Variants in MTUS2 observed in about 807,000 individuals in gnomAD.
The protein encoded by MTUS2 is microtubule associated scaffold protein 2.
Under a neutral mutation model 114.1 loss-of-function variants are expected in MTUS2, and 40 were observed. The ratio of observed to expected loss-of-function variants is 0.35; its 90% CI spans 0.27 to 0.46. The LOEUF is 0.46. Ranked by LOEUF, MTUS2 falls within the 20% of genes least tolerant of loss-of-function variation. MTUS2 has a pLI of 1.00. For synonymous variants in MTUS2, 688 were observed against 672.0 expected (o/e 1.02, Z -0.37); for missense variants, 1,679 against 1,705.4 (o/e 0.98, Z 0.27).
At chr13:29,051,319 T>A (rs1198103263) in intron 4 of MTUS2, among the ~76,000 whole-genome samples, 1 of 152,042 alleles carries the variant, frequency 6.6e-6, no homozygotes, top group African/African-American at 2.4e-5. Flanking sequence ...GGAAGGATGG[T>A]GATGTTATTT....
At chr13:29,390,624 C>T (rs1334184600) in intron 8 of MTUS2, among the ~76,000 whole-genome samples, 3 of 148,892 alleles carry the variant, frequency 2.0e-5, no homozygotes, top group Non-Finnish European at 3.0e-5. Context: ...TGCACTCCAG[C>T]CTGGGTGACA....
At chr13:29,228,357 G>C (rs1477598749) in intron 5 of MTUS2, among the ~76,000 whole-genome samples, 1 of 152,220 alleles carries the variant, frequency 6.6e-6, no homozygotes, top group East Asian at 1.9e-4. Context: ...ATCTCACTCT[G>C]TTGCCCAGGC....
intron 8 of MTUS2, among the ~76,000 whole-genome samples, chr13:29,420,043 A>G (rs1875960445): frequency 6.6e-6 from 1 of 152,112 alleles, no homozygotes; most frequent in African/African-American, 2.4e-5. Flanking sequence ...AGCATCTTCA[A>G]ATTTAATCAA....
At position 29,141,821 on chromosome 13, in the gene MTUS2, C is replaced by T. The variant is rs999740770; in HGVS notation, c.2644+40851C>T. On this transcript the variant is annotated intron_variant, in intron 5 of 15. Coordinates refer to ENST00000612955, the MANE Select transcript of MTUS2 (RefSeq NM_001033602.4). ...ATAATAGTTAAATTTTATCACATTT[C>T]CTGTTATCCAAAACAGCTTGAAGTC... Among the ~76,000 whole-genome samples, 18 of 151,720 alleles carry T rather than the reference C, an allele frequency of 1.2e-4. 1 individual carries two copies. The highest frequency in any genetic ancestry group is 6.6e-5 in the Admixed American group (1 of 15,214).
intron 6 of MTUS2, among the ~76,000 whole-genome samples, chr13:29,303,401 T>C (rs762904754): frequency 3.3e-5 from 5 of 152,084 alleles, no homozygotes; most frequent in Non-Finnish European, 7.4e-5. Context: ...AAACTAAGAA[T>C]CATGATAATA....
chr13:29,188,914 T>A (rs1894334117), intron 5 of MTUS2, among the ~76,000 whole-genome samples: 1 of 152,154 alleles, frequency 6.6e-6, no homozygotes. Context: ...TCATATCTTT[T>A]TTCCTTGATC....
chr13:29,084,399 G>A lies in MTUS2; in HGVS notation c.2447-16374G>A, dbSNP rs1252749770. 4.6e-5 allele frequency among the ~76,000 whole-genome samples: 7 copies of A among 151,412 alleles called. No individual in the cohort carries two copies. The South Asian group carries it at 1.0e-3, about 23-fold the overall frequency. On this transcript the variant is annotated intron_variant, in intron 4 of 15. Transcript: ENST00000612955. ...ACAAAACAACTGTTGTTGTTACTGA[G>A]CATTCTCTCTACTTTGCTTAGATTT...
intron 9 of MTUS2, among the ~76,000 whole-genome samples, chr13:29,469,011 C>G (rs1695867712): frequency 6.6e-6 from 1 of 152,180 alleles, no homozygotes; most frequent in Non-Finnish European, 1.5e-5. Context: ...AATAGATACC[C>G]CTGCATCATC....
chr13:29,465,794 C>G (rs1225388779), intron 9 of MTUS2, among the ~76,000 whole-genome samples: 1 of 152,220 alleles, frequency 6.6e-6, no homozygotes, highest in African/African-American at 2.4e-5. Context: ...CTGGCCTCTG[C>G]TCCATAAGGT....
chr13:29,069,039 A>G (rs1888791011), intron 4 of MTUS2, among the ~76,000 whole-genome samples: 1 of 152,194 alleles, frequency 6.6e-6, no homozygotes, highest in South Asian at 2.1e-4. Flanking sequence ...AATACCAGAA[A>G]GGACAGCCCA....
intron 5 of MTUS2, among the ~76,000 whole-genome samples, chr13:29,159,045 C>T (rs1892987062): frequency 6.6e-6 from 1 of 152,168 alleles, no homozygotes; most frequent in Non-Finnish European, 1.5e-5. Flanking sequence ...GAATACTGTG[C>T]TGCTTTAAAA....
intron 5 of MTUS2, among the ~76,000 whole-genome samples, chr13:29,196,828 C>T (rs1332117126): frequency 1.3e-5 from 2 of 152,170 alleles, no homozygotes; most frequent in East Asian, 3.8e-4. Context: ...TGTGTATATA[C>T]CACAATTTGC....
intron 2 of MTUS2, among the ~76,000 whole-genome samples, chr13:28,863,131 A>G (rs906455489): frequency 7.9e-5 from 12 of 152,202 alleles, no homozygotes; most frequent in Non-Finnish European, 1.8e-4. Context: ...ATTAAGCTTC[A>G]TCTTTATCCA....
At chr13:29,290,786 T>C (rs1898678065) in intron 6 of MTUS2, among the ~76,000 whole-genome samples, 2 of 152,194 alleles carry the variant, frequency 1.3e-5, no homozygotes, top group Non-Finnish European at 2.9e-5. Context: ...AGTTGTCTAA[T>C]GATGTCTGCA....
rs139220729 is a variant in MTUS2 at position 29,464,048 on chromosome 13, G to A, written c.3185-16102G>A. ...ATAGATGTTGGCTGGTGGAGATGGC[G>A]TGGTAGAGCCATTCCTGCAGACTCT... On this transcript the variant is annotated intron_variant, in intron 9 of 15. Transcript: ENST00000612955. Among the ~76,000 whole-genome samples, 29 of 152,344 alleles carry A rather than the reference G, an allele frequency of 1.9e-4. No homozygotes were observed. The East Asian group carries it at 4.1e-3, about 21-fold the overall frequency.
chr13:28,868,901 A>G (rs1877458840), intron 2 of MTUS2, among the ~76,000 whole-genome samples: 3 of 152,212 alleles, frequency 2.0e-5, no homozygotes, highest in Admixed American at 2.0e-4. Context: ...GGGCTGAGTC[A>G]GATCCCTTGT....
chr13:28,922,407 C>T (rs1010102441), intron 2 of MTUS2, among the ~76,000 whole-genome samples: 1 of 152,324 alleles, frequency 6.6e-6, no homozygotes, highest in African/African-American at 2.4e-5. Context: ...CTAGGAATTG[C>T]AGTCCTTGTC....
rs79022103 is a variant in MTUS2 at position 29,294,288 on chromosome 13, C to T, written c.2806+12423C>T. Among the ~76,000 whole-genome samples, 1,430 of 151,896 alleles carry T rather than the reference C, an allele frequency of 9.4e-3. 14 individuals are homozygous for T. Among genetic ancestry groups the T allele is most frequent in the Middle Eastern group, 0.027 (8 of 294 alleles). On this transcript the variant is annotated intron_variant, in intron 6 of 15. Coordinates refer to ENST00000612955, the MANE Select transcript of MTUS2 (RefSeq NM_001033602.4). ...TTCTGTATCCTGCTTTTACAGTTAA[C>T]GTTATATCCTAATAATTTTCCAATA... is the stretch of plus-strand genomic sequence containing the variant.
rs984756667 is a variant in MTUS2, at chr13:29,383,327, A to G, written c.3117+23854A>G. Among the ~76,000 whole-genome samples the G allele has an allele frequency of 5.9e-5, 9 of 151,550 alleles. No individual in the cohort carries two copies. In the South Asian group the frequency reaches 1.5e-3, roughly 25 times the overall value. On this transcript the variant is annotated intron_variant, in intron 8 of 15. Coordinates refer to ENST00000612955, the MANE Select transcript of MTUS2 (RefSeq NM_001033602.4). ...ATCTTAGTAAAAATCATATTTTAAAATAGATGTGAATACTAAAGGAAAAGG... is the reference window on the plus strand; with the variant it reads ...ATCTTAGTAAAAATCATATTTTAAAGTAGATGTGAATACTAAAGGAAAAGG...
Sources: allele counts gnomAD v4.1 joint callset (sites outside exome capture counted in the v4.1 genomes callset), GRCh38; gene constraint gnomAD v4.1.1; transcripts MANE v1.5; gene names NCBI Gene and HGNC (gene_info 2026-07-23, HGNC 2026-07-21).